Variants in CHD4 observed in about 807,000 individuals in gnomAD.
CHD4 encodes ATP-dependent chromatin remodeler CHD4.
CHD4 carries 35 observed loss-of-function variants against 235.5 expected under a neutral mutation model. The ratio of observed to expected loss-of-function variants is 0.15; its 90% CI spans 0.11 to 0.20. The LOEUF (loss-of-function observed/expected upper bound fraction) is 0.20. Ranked by LOEUF, CHD4 falls within the 10% of genes least tolerant of loss-of-function variation. The pLI is 1.00. For synonymous variants in CHD4, 900 were observed against 850.2 expected, an observed-to-expected ratio of 1.06 and a Z score of -1.02; for missense variants, 1,329 against 2,432.3, an observed-to-expected ratio of 0.55 and a Z score of 9.54.
In CHD4 at chr12:6,599,835, G is replaced by A. The variant is rs187920601; in HGVS notation, c.1420C>T (p.His474Tyr). The change falls in exon 10 of 40, where the codon CAC becomes TAC. Residue 474 changes from histidine to tyrosine, a missense_variant. By Grantham distance (83) the His-to-Tyr change is moderately conservative. Around this residue, in one of 26 missense-constraint regions of CHD4, gnomAD observed 33 missense variants for 84.2 expected, o/e 0.39. Transcript: ENST00000544040. ...CDTCPSSYHIHCLNPPLPEIP... is the reference protein window; with the variant it reads ...CDTCPSSYHIYCLNPPLPEIP... ...TCTGGAAGTGGGGGATTCAGGCAGT[G>A]GATGTGGTAGGAAGAAGGACAGGTA... The A allele has an allele frequency of 1.2e-6, 2 of 1,614,168 alleles. No individual in the cohort carries two copies. Among genetic ancestry groups the A allele is most frequent in the Middle Eastern group, 1.6e-4 (1 of 6,062 alleles).
At position 6,600,584 on chromosome 12, in the gene CHD4, C is replaced by T. The variant is rs1202748112; in HGVS notation, c.1013G>A (p.Arg338His). ...SYSVSDGSTS[R>H]SSRSRKKLRT... is the part of the protein sequence containing the mutation. ...GAGTTTCTTGCGGCTGCGGCTACTA[C>T]GGCTGGTGGAACCATCAGAAACAGA... is the stretch of plus-strand genomic sequence containing the variant. Residue 338 changes from arginine (R) to histidine (H), a missense_variant, in exon 8 of 40, where the codon CGT (arginine) becomes CAT (histidine). Physicochemically the swap from Arg to His is conservative, Grantham distance 29 (BLOSUM62 0). This residue lies in a region of CHD4 where 160 missense variants were observed against 196.6 expected (regional missense o/e 0.81). Coordinates refer to ENST00000544040, the MANE Select transcript of CHD4 (RefSeq NM_001273.5). 1.4e-5 allele frequency: 22 copies of T among 1,613,934 alleles called. No homozygotes were observed. The highest frequency in any genetic ancestry group is 1.5e-5 in the Non-Finnish European group (18 of 1,180,044).
chr12:6,581,392 C>A lies in CHD4; in HGVS notation c.4682-4G>T. The A allele has an allele frequency of 6.2e-7, 1 of 1,612,186 alleles. No homozygotes were observed. Among genetic ancestry groups the A allele is most frequent in the East Asian group, 2.2e-5 (1 of 44,882 alleles). ...TCCTCTATTTTTATCCCATCTTCTG[C>A]AGAACAATAAAAGACAATCAATTAG... On this transcript the variant is annotated splice_region_variant and splice_polypyrimidine_tract_variant and intron_variant, in intron 31 of 39. Transcript: ENST00000544040.
At chr12:6,595,208 T>G (rs1948466797) in intron 14 of CHD4, 126 bp downstream of exon 14, 3 of 772,420 alleles carry the variant, frequency 3.9e-6, no homozygotes, top group Non-Finnish European at 6.3e-6. Flanking sequence ...GGAAGCCGAC[T>G]TTGTGAAGTA....
chr12:6,580,715 A>AAAAAAAAAAAAAAAAAG (rs1948168915), intron 33 of CHD4: 1 of 226,852 alleles, frequency 4.4e-6, no homozygotes, highest in Non-Finnish European at 8.2e-6. Flanking sequence ...AAAAAAAAAA[A>AAAAAAAAAAAAAAAAAG]AAAAAAAAAA....
chr12:6,596,880 G>T (rs1422626260), intron 12 of CHD4, among the ~76,000 whole-genome samples: 1 of 150,728 alleles, frequency 6.6e-6, no homozygotes, highest in Non-Finnish European at 1.5e-5. Flanking sequence ...AATCACTTGA[G>T]CCTGAGAGGC....
intron 6 of CHD4, 71 bp downstream of exon 6, chr12:6,601,218 C>T: frequency 6.3e-7 from 1 of 1,580,172 alleles, no homozygotes; most frequent in Non-Finnish European, 8.6e-7. Flanking sequence ...GACAGACCAG[C>T]ATTCCCATGC....
rs1444771404 is a variant in CHD4, at chr12:6,599,923, C to T, written c.1332G>A (p.Glu444=). 2 of 1,614,150 alleles carry T rather than the reference C, an allele frequency of 1.2e-6. No individual in the cohort carries two copies. The highest frequency in any genetic ancestry group is 2.2e-5 in the East Asian group (1 of 44,888). Residue 444 remains glutamate, a synonymous_variant, in exon 10 of 40, where the codon GAG becomes GAA. Coordinates refer to ENST00000544040, the MANE Select transcript of CHD4 (RefSeq NM_001273.5). ...LEEVGGDLEE[E]DDHHMEFCRV... ...GACAGAATTCCATATGGTGGTCATC[C>T]TCCTCTTCGAGGTCTCCCCCAACCT...
chr12:6,599,566 G>C (rs1299165675), intron 10 of CHD4, among the ~76,000 whole-genome samples: 1 of 152,170 alleles, frequency 6.6e-6, no homozygotes, highest in Non-Finnish European at 1.5e-5. Flanking sequence ...CCTCTTAAGA[G>C]AGCTGGCAAA....
At chr12:6,570,836 G>A in intron 39 of CHD4, 33 bp downstream of exon 39, 5 of 1,613,646 alleles carry the variant, frequency 3.1e-6, no homozygotes, top group African/African-American at 2.7e-5. Flanking sequence ...GGTTCTGCAG[G>A]AAGAGGTGGT....
In CHD4 at chr12:6,587,860, C is replaced by T. The variant is rs1452161048; in HGVS notation, c.3555G>A (p.Thr1185=). The change falls in exon 24 of 40, where the codon ACG becomes ACA. Residue 1185 remains threonine (T), a synonymous_variant. Coordinates refer to ENST00000544040, the MANE Select transcript of CHD4 (RefSeq NM_001273.5). The part of the protein sequence containing the change: ...VTRASVEERI[T]QVAKKKMMLT... The stretch of plus-strand genomic sequence containing the variant: ...GCATCATTTTCTTCTTTGCCACCTG[C>T]GTGATGCGCTCCTCCACTGACGCAC... 7.4e-6 allele frequency: 12 copies of T among 1,614,112 alleles called. No individual in the cohort carries two copies. The highest frequency in any genetic ancestry group is 5.5e-5 in the South Asian group (5 of 91,092).
In CHD4 at chr12:6,602,127, C is replaced by T. The variant is rs777330785; in HGVS notation, c.271G>A (p.Glu91Lys). 3 of 1,613,932 alleles carry T rather than the reference C, an allele frequency of 1.9e-6. No homozygotes were observed. Among genetic ancestry groups the T allele is most frequent in the Non-Finnish European group, 2.5e-6 (3 of 1,179,950 alleles). The change falls in exon 4 of 40, where the codon GAG (glutamate) becomes AAG (lysine). Residue 91 changes from glutamate (E) to lysine (K), a missense_variant. Around this residue, in one of 26 missense-constraint regions of CHD4, gnomAD observed 213 missense variants for 177.5 expected, o/e 1.20. Coordinates refer to ENST00000544040, the MANE Select transcript of CHD4 (RefSeq NM_001273.5). The part of the protein sequence containing the change: ...QLGDSSGEGP[E>K]FVEEEEEVAL... ...ACCTCTTCCTCCTCCTCCACAAACT[C>T]TGGCCCCTCCCCAGAGCTGTCCCCC... is the stretch of plus-strand genomic sequence containing the variant.
At position 6,586,444 on chromosome 12, in the gene CHD4, G is replaced by T. The variant is rs370046089; in HGVS notation, c.3879+940C>A. On this transcript the variant is annotated intron_variant, in intron 25 of 39. Coordinates refer to ENST00000544040, the MANE Select transcript of CHD4 (RefSeq NM_001273.5). ...CATACATACATACATACACAAGGAG[G>T]CCTGGTGTGGTGGCTAACACCTGTA... Among the ~76,000 whole-genome samples, 38 of 152,016 alleles carry T rather than the reference G, an allele frequency of 2.5e-4. No individual in the cohort carries two copies. The East Asian group carries it at 3.9e-3, about 16-fold the overall frequency.
Position 6,599,872 on chromosome 12 carries a change from C to T in CHD4, c.1383G>A (p.Leu461=). ...AAGAAGGACAGGTATCACAGCAGAG[C>T]AGTTCCCCACCATCCTTGCAGACCC... is the stretch of plus-strand genomic sequence containing the variant. ...FCRVCKDGGE[L]LCCDTCPSSY... is the part of the protein sequence containing the mutation. The change falls in exon 10 of 40, where the codon CTG becomes CTA. Residue 461 remains leucine (L), a synonymous_variant. Coordinates refer to ENST00000544040, the MANE Select transcript of CHD4 (RefSeq NM_001273.5). 2 of 1,614,134 alleles carry T rather than the reference C, an allele frequency of 1.2e-6. No individual in the cohort carries two copies. The highest frequency in any genetic ancestry group is 1.7e-6 in the Non-Finnish European group (2 of 1,180,020).
At chr12:6,582,582 C>G (rs750582102) in intron 29 of CHD4, 33 bp downstream of exon 29, 1 of 1,588,374 alleles carries the variant, frequency 6.3e-7, no homozygotes, top group South Asian at 1.2e-5. Context: ...GAAGCCCTTG[C>G]TCTAGATCAG....
intron 2 of CHD4, among the ~76,000 whole-genome samples, chr12:6,605,889 C>G (rs1478680315): frequency 6.6e-6 from 1 of 152,226 alleles, no homozygotes; most frequent in East Asian, 1.9e-4. Flanking sequence ...AGCACAGATG[C>G]CCGGCTGGTC....
chr12:6,590,153 G>C (rs1482550985), intron 22 of CHD4: 1 of 151,798 alleles, frequency 6.6e-6, no homozygotes, highest in African/African-American at 2.4e-5. Flanking sequence ...AGTCAAGATC[G>C]CGCCACTGCA....
chr12:6,581,293 C>T lies in CHD4; in HGVS notation c.4777G>A (p.Glu1593Lys). The T allele has an allele frequency of 6.2e-7, 1 of 1,614,186 alleles. No individual in the cohort carries two copies. The highest frequency in any genetic ancestry group is 8.5e-7 in the Non-Finnish European group (1 of 1,180,002). Residue 1593 changes from glutamate to lysine, a missense_variant and splice_region_variant, in exon 32 of 40, where the codon GAG becomes AAG. By Grantham distance (56) the Glu-to-Lys change is moderately conservative (BLOSUM62 1). Around this residue, in one of 26 missense-constraint regions of CHD4, gnomAD observed 219 missense variants for 219.3 expected, o/e 1.00. Coordinates refer to ENST00000544040, the MANE Select transcript of CHD4 (RefSeq NM_001273.5). ...VKSTAPETAI[E>K]CTQAPAPASE... ...CATTCAGTCACCCCATCTCTTACCT[C>T]AATGGCAGTCTCAGGGGCTGTAGAT...
At chr12:6,598,512 A>T (rs1948536978) in intron 10 of CHD4, 87 bp from the exon 11 acceptor site, 2 of 1,150,714 alleles carry the variant, frequency 1.7e-6, no homozygotes, top group Non-Finnish European at 2.5e-6. Flanking sequence ...TCAAAGGACG[A>T]TTCAGATCTC....
At chr12:6,590,219 T>C (rs773654195) in intron 22 of CHD4, 2 of 151,812 alleles carry the variant, frequency 1.3e-5, no homozygotes, top group Non-Finnish European at 2.9e-5. Context: ...AAAATCTGTA[T>C]CATATAAGAA....
Sources: gnomAD v4.1 joint callset for allele counts (sites outside exome capture counted in the v4.1 genomes callset) on GRCh38, gnomAD v4.1.1 for gene constraint, gnomAD v4.1.1 regional missense constraint, MANE v1.5 for transcripts, NCBI Gene and HGNC (gene_info 2026-07-23, HGNC 2026-07-21) for gene names.